Variants in FGFR1OP2 observed in about 807,000 individuals in gnomAD.
The protein encoded by FGFR1OP2 is FGFR1 oncogene partner 2, also known as fibroblast growth factor receptor 1 oncogene partner 2.
Under a neutral mutation model 35.2 loss-of-function variants are expected in FGFR1OP2, and 17 were observed. The observed-to-expected ratio is 0.48, with a 90% CI of 0.33 to 0.73. The LOEUF is 0.73. Ranked by LOEUF, FGFR1OP2 falls within the 30% of genes least tolerant of loss-of-function variation. The pLI is 0.02. For missense variants in FGFR1OP2, 251 were observed against 307.3 expected, an observed-to-expected ratio of 0.82 and a Z score of 1.37; for synonymous variants, 105 against 104.6, an observed-to-expected ratio of 1.00 and a Z score of -0.03.
chr12:26,945,936 A>T (rs1338318136), intron 1 of FGFR1OP2, among the ~76,000 whole-genome samples: 1 of 151,964 alleles, frequency 6.6e-6, no homozygotes, highest in Non-Finnish European at 1.5e-5. Flanking sequence ...TTTGTGATCC[A>T]GGATGTGATC....
chr12:26,959,199 T>C (rs1939067486), intron 4 of FGFR1OP2, among the ~76,000 whole-genome samples: 1 of 152,112 alleles, frequency 6.6e-6, no homozygotes, highest in Admixed American at 6.5e-5. Flanking sequence ...AATTTGTGTT[T>C]AATGTTTTCT....
intron 1 of FGFR1OP2, among the ~76,000 whole-genome samples, chr12:26,944,304 A>G (rs1483375565): frequency 2.0e-5 from 3 of 152,162 alleles, no homozygotes; most frequent in Non-Finnish European, 4.4e-5. Context: ...TGTATTGAAC[A>G]GGACTGGTGA....
At chr12:26,947,439 G>T (rs1938847070) in intron 1 of FGFR1OP2, among the ~76,000 whole-genome samples, 1 of 151,938 alleles carries the variant, frequency 6.6e-6, no homozygotes, top group Non-Finnish European at 1.5e-5. Flanking sequence ...TTGGAGGCAG[G>T]GTCACACTTT....
At chr12:26,953,205 A>C (rs2136354846) in intron 1 of FGFR1OP2, among the ~76,000 whole-genome samples, 1 of 146,408 alleles carries the variant, frequency 6.8e-6, no homozygotes. Context: ...TGGAGCTTGC[A>C]GTGAGCCGAG....
At chr12:26,950,655 A>T (rs79716120) in intron 1 of FGFR1OP2, among the ~76,000 whole-genome samples, 1 of 152,186 alleles carries the variant, frequency 6.6e-6, no homozygotes, top group Admixed American at 6.5e-5. Context: ...GCTCCATCTT[A>T]GTGGAGCACA....
rs767705813 is a variant in FGFR1OP2, at chr12:26,960,552, TC to T, written c.436del (p.Asp147MetfsTer33). On this transcript the variant is annotated frameshift_variant, in exon 5 of 7. Transcript: ENST00000229395. LOFTEE classifies it high-confidence loss of function. Reference sequence around the variant, plus strand: ...CATCGTAACAAGTCCGAAGGATTCTTCCTTGATGCATCTCGACACATCCTTG... The same window carrying T: ...CATCGTAACAAGTCCGAAGGATTCTTCTTGATGCATCTCGACACATCCTTG... ...MVHRNKSEGF[F>X]LDASRHILEA... The T allele has an allele frequency of 1.9e-6, 3 of 1,613,576 alleles. No homozygotes were observed. Among genetic ancestry groups the T allele is most frequent in the Non-Finnish European group, 8.5e-7 (1 of 1,179,674 alleles).
chr12:26,961,170 G>A (rs1225448846), intron 5 of FGFR1OP2: 1 of 152,196 alleles, frequency 6.6e-6, no homozygotes, highest in African/African-American at 2.4e-5. Context: ...ACCTAGACAG[G>A]GAGTTAGAAA....
In FGFR1OP2 at chr12:26,957,709, G is replaced by T; in HGVS notation, c.362G>T (p.Gly121Val). Residue 121 changes from glycine to valine, a missense_variant, in exon 4 of 7, where the codon GGT (glycine) becomes GTT (valine). Gly to Val is a moderately radical substitution (Grantham distance 109, BLOSUM62 -3). Transcript: ENST00000229395. The stretch of plus-strand genomic sequence containing the variant: ...ATGGCTAGCAAAAAAGATGATCCGG[G>T]TATAATAATGAAGTTAAAAGAGCAG... ...LLMASKKDDP[G>V]IIMKLKEQHS... 1.9e-6 allele frequency: 3 copies of T among 1,613,466 alleles called. No homozygotes were observed. The highest frequency in any genetic ancestry group is 2.5e-6 in the Non-Finnish European group (3 of 1,179,756).
rs567803109 is a variant in FGFR1OP2, at chr12:26,944,015, G to T, written c.-15+5305G>T. Among the ~76,000 whole-genome samples, 11 of 151,386 alleles carry T rather than the reference G, an allele frequency of 7.3e-5. No homozygotes were observed. The East Asian group carries it at 7.8e-4, about 11-fold the overall frequency. On this transcript the variant is annotated intron_variant, in intron 1 of 6. Transcript: ENST00000229395. ...CAGGGTTTGTTTTTTGTGTTTTTTT[G>T]TTGTTGTTGTTTTGTTTTGTTTTGC...
At chr12:26,938,891 G>C (rs1938641021) in intron 1 of FGFR1OP2, among the ~76,000 whole-genome samples, 181 bp downstream of exon 1, 3 of 152,070 alleles carry the variant, frequency 2.0e-5, no homozygotes, top group Admixed American at 1.3e-4. Context: ...CGCGCCCCCC[G>C]ACTCCGAGCT....
chr12:26,943,323 C>G (rs1938766838), intron 1 of FGFR1OP2, among the ~76,000 whole-genome samples: 1 of 152,076 alleles, frequency 6.6e-6, no homozygotes, highest in South Asian at 2.1e-4. Flanking sequence ...ATTGAAGTAG[C>G]TTTATAGTAA....
In FGFR1OP2 at chr12:26,960,647, C is replaced by T. The variant is rs567296516; in HGVS notation, c.510+19C>T. On this transcript the variant is annotated intron_variant, in intron 5 of 6. Transcript: ENST00000229395. ...TCAGAATGTACACTAAATAAACAGTCAACTTTTGGGGTGTGGATGGAAGGG... is the reference window on the plus strand; with the variant it reads ...TCAGAATGTACACTAAATAAACAGTTAACTTTTGGGGTGTGGATGGAAGGG... 7 of 1,603,890 alleles carry T rather than the reference C, an allele frequency of 4.4e-6. No homozygotes were observed. In the South Asian group the frequency reaches 7.8e-5, roughly 18 times the overall value.
chr12:26,959,729 AT>A (rs1939075325), intron 4 of FGFR1OP2, among the ~76,000 whole-genome samples: 1 of 152,164 alleles, frequency 6.6e-6, no homozygotes, highest in Non-Finnish European at 1.5e-5. Context: ...CTATTCAGTT[AT>A]TTGTTATTAA....
chr12:26,942,649 A>C lies in FGFR1OP2; in HGVS notation c.-15+3939A>C, dbSNP rs932348016. ...GAGGCAATGTGGTATTGATGCAGAA[A>C]TAGATAGTCATTTTAAGAGGACAGG... On this transcript the variant is annotated intron_variant, in intron 1 of 6. Coordinates refer to ENST00000229395, the MANE Select transcript of FGFR1OP2 (RefSeq NM_015633.3). Among the ~76,000 whole-genome samples the C allele has an allele frequency of 3.3e-5, 5 of 152,244 alleles. No homozygotes were observed. The East Asian group carries it at 9.6e-4, about 29-fold the overall frequency.
intron 2 of FGFR1OP2, among the ~76,000 whole-genome samples, chr12:26,955,434 G>A (rs1396757392): frequency 6.6e-6 from 1 of 152,156 alleles, no homozygotes; most frequent in African/African-American, 2.4e-5. Flanking sequence ...CCTGATTCCA[G>A]AACATTTTCA....
chr12:26,952,888 A>G (rs1938955519), intron 1 of FGFR1OP2, among the ~76,000 whole-genome samples: 1 of 152,118 alleles, frequency 6.6e-6, no homozygotes, highest in African/African-American at 2.4e-5. Context: ...TGGCCTGGTA[A>G]TTTAGTGTGA....
Position 26,942,182 on chromosome 12 carries a change from G to A in FGFR1OP2, c.-15+3472G>A, listed in dbSNP as rs139281109. On this transcript the variant is annotated intron_variant, in intron 1 of 6. Transcript: ENST00000229395. ...AGAGTAGCTGGGATTACAGGCGTGC[G>A]CCACCACACCCAGCTAGTTTTTGCA... Among the ~76,000 whole-genome samples the A allele has an allele frequency of 2.8e-3, 431 of 152,274 alleles. 3 individuals are homozygous for A. Among genetic ancestry groups the A allele is most frequent in the African/African-American group, 9.7e-3 (402 of 41,540 alleles).
intron 3 of FGFR1OP2, 31 bp downstream of exon 3, chr12:26,956,691 C>T: frequency 1.5e-6 from 2 of 1,297,866 alleles, no homozygotes; most frequent in African/African-American, 1.5e-5. Flanking sequence ...ACATTAATCC[C>T]ATTTCTAGTC....
At chr12:26,959,766 G>T (rs1939076568) in intron 4 of FGFR1OP2, among the ~76,000 whole-genome samples, 1 of 152,006 alleles carries the variant, frequency 6.6e-6, no homozygotes, top group East Asian at 1.9e-4. Context: ...ATTAATGTTT[G>T]TGATTTTGAT....
Sources: allele counts gnomAD v4.1 joint callset (sites outside exome capture counted in the v4.1 genomes callset), GRCh38; gene constraint gnomAD v4.1.1; transcripts MANE v1.5; gene names NCBI Gene and HGNC (gene_info 2026-07-23, HGNC 2026-07-21).